The following SESN2 variants were observed in gnomAD, a reference collection of about 807,000 sequenced individuals.
The protein encoded by SESN2 is sestrin 2.
A neutral mutation model predicts 56.0 loss-of-function variants in SESN2; 42 were observed. That is an observed-to-expected ratio of 0.75 (90% CI 0.59 to 0.97). The LOEUF is 0.97. Ranked by LOEUF, SESN2 falls within the 50% of genes least tolerant of loss-of-function variation. The pLI, the probability that SESN2 is intolerant of heterozygous loss-of-function variation, is 0.00. For synonymous variants in SESN2, 264 were observed against 267.1 expected (o/e 0.99, Z 0.11); for missense variants, 507 against 649.4 (o/e 0.78, Z 2.38).
chr1:28,262,440 C>G (rs1048181289), intron 1 of SESN2, among the ~76,000 whole-genome samples: 1 of 149,954 alleles, frequency 6.7e-6, no homozygotes, highest in African/African-American at 2.5e-5. Flanking sequence ...CCCAGGAGTT[C>G]AAAACCAGCC....
At chr1:28,259,958 GC>G in intron 1 of SESN2, 21 bp downstream of exon 1, 1 of 1,487,300 alleles carries the variant, frequency 6.7e-7, no homozygotes. Context: ...GCCGCGCGAC[GC>G]CCCTCTTCCC....
At position 28,274,108 on chromosome 1, in the gene SESN2, G is replaced by C. The variant is rs1435443309; in HGVS notation, c.970G>C (p.Glu324Gln). Residue 324 changes from glutamate to glutamine, a missense_variant, in exon 7 of 10, where the codon GAG becomes CAG. Glu to Gln is a conservative substitution (Grantham distance 29). Transcript: ENST00000253063. ...CFVEDPTFGY[E>Q]DFTRRGAQAP... ...TGTGGAAGACCCTACTTTCGGATAT[G>C]AGGACTTCACTCGGAGAGGGGCTCA... 6.2e-7 allele frequency: 1 copy of C among 1,614,026 alleles called. No homozygotes were observed. The highest frequency in any genetic ancestry group is 1.3e-5 in the African/African-American group (1 of 74,912).
intron 1 of SESN2, among the ~76,000 whole-genome samples, chr1:28,262,149 G>C (rs1647394718): frequency 6.6e-6 from 1 of 152,104 alleles, no homozygotes; most frequent in Admixed American, 6.6e-5. Flanking sequence ...TGCTTTGAGT[G>C]GTGGCATCCT....
At chr1:28,272,529 T>TA in intron 4 of SESN2, 52 bp from the exon 5 acceptor site, 1 of 1,606,926 alleles carries the variant, frequency 6.2e-7, no homozygotes, top group Non-Finnish European at 8.5e-7. Context: ...GCCTGGTGGG[T>TA]AACCCAGGGC....
intron 1 of SESN2, among the ~76,000 whole-genome samples, chr1:28,261,470 T>C (rs1647373073): frequency 6.6e-6 from 1 of 152,206 alleles, no homozygotes; most frequent in African/African-American, 2.4e-5. Context: ...GATTTTACAG[T>C]ATCTCTAAGG....
rs1647810594 is a variant in SESN2 at position 28,272,354 on chromosome 1, A to AC, written c.428dup (p.Glu144Ter). 1 of 1,613,830 alleles carries AC rather than the reference A, an allele frequency of 6.2e-7. No homozygotes were observed. ...GCCGAGTTTCTGCAGACTGGTGGTGACCCTGAGTGGCTGCTGGGCCTCCAC... is the reference window on the plus strand; with the variant it reads ...GCCGAGTTTCTGCAGACTGGTGGTGACCCCTGAGTGGCTGCTGGGCCTCCAC... On this transcript the variant is annotated frameshift_variant, in exon 4 of 10. Coordinates refer to ENST00000253063, the MANE Select transcript of SESN2 (RefSeq NM_031459.5). LOFTEE classifies it high-confidence loss of function.
Position 28,280,861 on chromosome 1 carries a change from C to G in SESN2, c.*59C>G, listed in dbSNP as rs949163716. ...CCACAAGGACTTCTCTGTCTGGAGA[C>G]AGCCCCAGACCCTTTTGTGTCCCAT... On this transcript the variant is annotated 3_prime_UTR_variant, in exon 10 of 10. Coordinates refer to ENST00000253063, the MANE Select transcript of SESN2 (RefSeq NM_031459.5). 1 of 1,332,870 alleles carries G rather than the reference C, an allele frequency of 7.5e-7. No homozygotes were observed. Among genetic ancestry groups the G allele is most frequent in the Non-Finnish European group, 1.1e-6 (1 of 929,370 alleles). 82.6% of individuals were successfully genotyped at this position (1,332,870 alleles called of 1,614,324 possible).
rs774059984 is a variant in SESN2, at chr1:28,274,002, A to G, written c.902-38A>G. ...TCAGGAATGGACCCCTGCATGCCCC[A>G]TGCCTCAGCCTCACTGTGACCTCTT... On this transcript the variant is annotated intron_variant, in intron 6 of 9. Coordinates refer to ENST00000253063, the MANE Select transcript of SESN2 (RefSeq NM_031459.5). 3 of 1,346,382 alleles carry G rather than the reference A, an allele frequency of 2.2e-6. No homozygotes were observed. The East Asian group carries it at 6.9e-5, about 31-fold the overall frequency. The allele number at this position is 1,346,382 out of a possible 1,614,324, so 83.4% of individuals were successfully genotyped here.
In SESN2 at chr1:28,279,068, A is replaced by C. The variant is rs200251238; in HGVS notation, c.1212-29A>C. On this transcript the variant is annotated intron_variant, in intron 8 of 9. Transcript: ENST00000253063. The stretch of plus-strand genomic sequence containing the variant: ...GAGCTGCCTTTGGGAAGAAAGCATG[A>C]GTAATGCTGCTGGGACCTTTCCATC... 7.8e-4 allele frequency: 1,257 copies of C among 1,612,910 alleles called. 2 individuals carry two copies. Among genetic ancestry groups the C allele is most frequent in the Non-Finnish European group, 1.0e-3 (1,197 of 1,179,074 alleles).
chr1:28,270,308 G>A (rs1647717296), intron 2 of SESN2, among the ~76,000 whole-genome samples: 2 of 150,264 alleles, frequency 1.3e-5, no homozygotes, highest in South Asian at 2.1e-4. Context: ...CCGAGATCGC[G>A]CCACTGCACT....
At chr1:28,276,993 G>A (rs911751296) in intron 8 of SESN2, among the ~76,000 whole-genome samples, 6 of 148,382 alleles carry the variant, frequency 4.0e-5, no homozygotes, top group Admixed American at 6.8e-5. Flanking sequence ...TGCAACCTCC[G>A]CCTCCCAGGT....
intron 9 of SESN2, among the ~76,000 whole-genome samples, chr1:28,280,414 G>C (rs1648191729): frequency 6.6e-6 from 1 of 152,162 alleles, no homozygotes; most frequent in Non-Finnish European, 1.5e-5. Context: ...CACTATGTTG[G>C]CCAGGCTGGT....
Position 28,274,103 on chromosome 1 carries a change from GAT to G in SESN2, c.968_969del (p.Tyr323Ter), listed in dbSNP as rs753443680. 1 of 1,614,094 alleles carries G rather than the reference GAT, an allele frequency of 6.2e-7. No individual in the cohort carries two copies. The highest frequency in any genetic ancestry group is 8.5e-7 in the Non-Finnish European group (1 of 1,180,010). ...TGCTTTGTGGAAGACCCTACTTTCG[GAT>G]ATGAGGACTTCACTCGGAGAGGGGC... is the stretch of plus-strand genomic sequence containing the variant. On this transcript the variant is annotated frameshift_variant, in exon 7 of 10. Coordinates refer to ENST00000253063, the MANE Select transcript of SESN2 (RefSeq NM_031459.5). LOFTEE classifies it high-confidence loss of function.
At position 28,272,743 on chromosome 1, in the gene SESN2, C is replaced by T; in HGVS notation, c.700C>T (p.Pro234Ser). 1 of 1,612,346 alleles carries T rather than the reference C, an allele frequency of 6.2e-7. No individual in the cohort carries two copies. The highest frequency in any genetic ancestry group is 2.2e-5 in the East Asian group (1 of 44,874). The part of the protein sequence containing the change: ...GSPAPQAPTP[P>S]SEQSSPPSRD... Reference sequence around the variant, plus strand: ...CCCTGCCCCCCAGGCACCTACACCCCCTAGTGAACAGAGCAGCCCCCCAAG... The same window carrying T: ...CCCTGCCCCCCAGGCACCTACACCCTCTAGTGAACAGAGCAGCCCCCCAAG... The change falls in exon 5 of 10, where the codon CCT (proline) becomes TCT (serine). Residue 234 changes from proline to serine, a missense_variant. Physicochemically the swap from Pro to Ser is moderately conservative, Grantham distance 74. Transcript: ENST00000253063.
intron 8 of SESN2, among the ~76,000 whole-genome samples, 187 bp downstream of exon 8, chr1:28,275,202 T>C (rs1308303064): frequency 2.0e-5 from 3 of 152,302 alleles, no homozygotes; most frequent in Non-Finnish European, 4.4e-5. Context: ...TGAAACTCTT[T>C]AATTGCACTC....
At chr1:28,262,621 C>CAAA (rs71027268) in intron 1 of SESN2, among the ~76,000 whole-genome samples, 971 of 52,408 alleles carry the variant, frequency 0.019, 113 homozygotes, top group African/African-American at 0.084. Flanking sequence ...GAGTCTGTCT[C>CAAA]AAAAAAAAAA....
rs754640991 is a variant in SESN2, at chr1:28,272,485, C to T, written c.537+19C>T. 1.7e-5 allele frequency: 27 copies of T among 1,610,338 alleles called. No individual in the cohort carries two copies. The highest frequency in any genetic ancestry group is 2.2e-5 in the East Asian group (1 of 44,856). On this transcript the variant is annotated intron_variant, in intron 4 of 9. Coordinates refer to ENST00000253063, the MANE Select transcript of SESN2 (RefSeq NM_031459.5). ...CATCCAGGTGCAGGGGGCAGAGAGGCGGGTGTCTGAGGGAGCACAGAGGCC... is the reference window on the plus strand; with the variant it reads ...CATCCAGGTGCAGGGGGCAGAGAGGTGGGTGTCTGAGGGAGCACAGAGGCC...
intron 1 of SESN2, among the ~76,000 whole-genome samples, chr1:28,264,700 T>G (rs1251050720): frequency 6.6e-6 from 1 of 152,244 alleles, no homozygotes; most frequent in Non-Finnish European, 1.5e-5. Flanking sequence ...ATGAAAATTT[T>G]TTGTTGCATT....
rs1044041797 is a variant in SESN2, at chr1:28,272,757, C to T, written c.714C>T (p.Ser238=). 4.4e-6 allele frequency: 7 copies of T among 1,607,800 alleles called. No homozygotes were observed. In the African/African-American group the frequency reaches 5.3e-5, roughly 12 times the overall value. ...PQAPTPPSEQ[S]SPPSRDPLNN... ...CACCTACACCCCCTAGTGAACAGAG[C>T]AGCCCCCCAAGCAGGGACCCGTTGA... The change falls in exon 5 of 10, where the codon AGC becomes AGT. Residue 238 remains serine (S), a synonymous_variant. Coordinates refer to ENST00000253063, the MANE Select transcript of SESN2 (RefSeq NM_031459.5).
Sources: gnomAD v4.1 joint callset for allele counts (sites outside exome capture counted in the v4.1 genomes callset) on GRCh38, gnomAD v4.1.1 for gene constraint, MANE v1.5 for transcripts, NCBI Gene and HGNC (gene_info 2026-07-23, HGNC 2026-07-21) for gene names.